DIAPH3: variants seen among roughly 807,000 people sequenced by gnomAD.
DIAPH3 encodes the protein diaphanous related formin 3.
A neutral mutation model predicts 144.3 loss-of-function variants in DIAPH3; 117 were observed. The ratio of observed to expected loss-of-function variants is 0.81; its 90% CI spans 0.70 to 0.95. DIAPH3 has a LOEUF of 0.95. DIAPH3 is among the 40% of genes least tolerant of loss of function. DIAPH3 has a pLI of 0.00. For synonymous variants in DIAPH3, 519 were observed against 488.9 expected, an observed-to-expected ratio of 1.06 and a Z score of -0.81; for missense variants, 1,421 against 1,412.7, an observed-to-expected ratio of 1.01 and a Z score of -0.09.
rs1224548065 is a variant in DIAPH3, at chr13:60,031,932, C to T, written c.626+10758G>A. ...CTAATTTTTGTATTTTTAGTAGAGG[C>T]GGGGTTTCACCACGTTGGCCAAGAT... is the stretch of plus-strand genomic sequence containing the variant. On this transcript the variant is annotated intron_variant, in intron 5 of 27. Transcript: ENST00000400324. Among the ~76,000 whole-genome samples the T allele has an allele frequency of 5.3e-5, 8 of 151,790 alleles. No individual in the cohort carries two copies. The South Asian group carries it at 1.0e-3, about 20-fold the overall frequency.
At chr13:59,982,057 A>G (rs957908859) in intron 13 of DIAPH3, among the ~76,000 whole-genome samples, 1 of 151,540 alleles carries the variant, frequency 6.6e-6, no homozygotes, top group Non-Finnish European at 1.5e-5. Context: ...ATGCTTTCCA[A>G]TACCTTTTCT....
At chr13:59,935,509 A>C (rs2048220131) in intron 17 of DIAPH3, among the ~76,000 whole-genome samples, 1 of 152,230 alleles carries the variant, frequency 6.6e-6, no homozygotes, top group African/African-American at 2.4e-5. Flanking sequence ...ATATGGTTTC[A>C]AAGAAGGTTT....
intron 25 of DIAPH3, among the ~76,000 whole-genome samples, chr13:59,788,417 T>G (rs1200636951): frequency 2.0e-5 from 3 of 152,162 alleles, no homozygotes; most frequent in Non-Finnish European, 4.4e-5. Flanking sequence ...GCCAGGAGTT[T>G]CAGACTAGCC....
chr13:60,138,702 CATG>C (rs1305945624), intron 1 of DIAPH3, among the ~76,000 whole-genome samples: 1 of 148,834 alleles, frequency 6.7e-6, no homozygotes, highest in Non-Finnish European at 1.5e-5. Context: ...CAGACTATGA[CATG>C]ATACCATTTG....
At chr13:60,014,385 C>T (rs927036595) in intron 7 of DIAPH3, among the ~76,000 whole-genome samples, 14 of 151,974 alleles carry the variant, frequency 9.2e-5, no homozygotes, top group Admixed American at 6.5e-4. Context: ...TTCAAAGAAC[C>T]GTGAATTCAG....
chr13:59,734,125 T>C (rs1048263206), intron 27 of DIAPH3, among the ~76,000 whole-genome samples: 14 of 152,252 alleles, frequency 9.2e-5, no homozygotes, highest in African/African-American at 3.4e-4. Context: ...TATTTATTTA[T>C]ATTCTTCAAA....
chr13:60,156,908 C>A (rs1952044606), intron 1 of DIAPH3, among the ~76,000 whole-genome samples: 3 of 108,112 alleles, frequency 2.8e-5, no homozygotes, highest in South Asian at 5.8e-4. Flanking sequence ...GCCCAGAGAC[C>A]CAGATCCTTC....
intron 25 of DIAPH3, among the ~76,000 whole-genome samples, chr13:59,783,971 C>A (rs981036932): frequency 2.6e-5 from 4 of 152,148 alleles, no homozygotes; most frequent in Non-Finnish European, 5.9e-5. Context: ...TATTATCAAC[C>A]TGTGACCATT....
chr13:59,791,019 G>T (rs1234751175), intron 25 of DIAPH3, among the ~76,000 whole-genome samples: 2 of 152,090 alleles, frequency 1.3e-5, no homozygotes, highest in Admixed American at 6.5e-5. Context: ...GCCCTAGGCT[G>T]GAGAGTGCAG....
At chr13:60,143,435 T>C (rs182182536) in intron 1 of DIAPH3, among the ~76,000 whole-genome samples, 1 of 152,316 alleles carries the variant, frequency 6.6e-6, no homozygotes, top group East Asian at 1.9e-4. Context: ...CAAACAAGCA[T>C]CTTCCCCATA....
chr13:59,748,810 A>C (rs1445547989), intron 27 of DIAPH3, among the ~76,000 whole-genome samples: 1 of 152,192 alleles, frequency 6.6e-6, no homozygotes, highest in East Asian at 1.9e-4. Flanking sequence ...GGGGGCCAGA[A>C]GCCACGGTTG....
intron 23 of DIAPH3, among the ~76,000 whole-genome samples, chr13:59,835,323 A>G (rs1441050464): frequency 6.6e-6 from 1 of 151,742 alleles, no homozygotes; most frequent in Non-Finnish European, 1.5e-5. Flanking sequence ...CAGATAATAA[A>G]CAAATGAATC....
chr13:60,114,907 G>T (rs1018723510), intron 2 of DIAPH3, among the ~76,000 whole-genome samples: 1 of 152,100 alleles, frequency 6.6e-6, no homozygotes, highest in African/African-American at 2.4e-5. Flanking sequence ...ACAACACAGG[G>T]ATTAGGGCAG....
At chr13:60,107,128 T>C (rs189292197) in intron 3 of DIAPH3, among the ~76,000 whole-genome samples, 1 of 152,268 alleles carries the variant, frequency 6.6e-6, no homozygotes, top group Middle Eastern at 3.4e-3. Context: ...TGTGGTCATA[T>C]AGAAGGAAGT....
chr13:60,054,933 C>T (rs2056498874), intron 4 of DIAPH3, among the ~76,000 whole-genome samples: 2 of 151,810 alleles, frequency 1.3e-5, no homozygotes, highest in African/African-American at 2.4e-5. Flanking sequence ...TTTATGCAAA[C>T]ACATAGTAGA....
chr13:60,010,896 G>A lies in DIAPH3; in HGVS notation c.772-227C>T, dbSNP rs185761463. On this transcript the variant is annotated intron_variant, in intron 7 of 27. Coordinates refer to ENST00000400324, the MANE Select transcript of DIAPH3 (RefSeq NM_001042517.2). ...AGAGGCGGGCAGATTACCTGAGGTC[G>A]GGAGTTTGAGACCAGCCTGAGCAAC... Among the ~76,000 whole-genome samples, 143 of 151,904 alleles carry A rather than the reference G, an allele frequency of 9.4e-4. 2 individuals are homozygous for A. Among genetic ancestry groups the A allele is most frequent in the African/African-American group, 3.3e-3 (137 of 41,456 alleles).
intron 4 of DIAPH3, among the ~76,000 whole-genome samples, chr13:60,051,750 G>A (rs1168811492): frequency 1.3e-5 from 2 of 152,178 alleles, no homozygotes. Context: ...CAGAGTTTAA[G>A]GGAACAGATT....
intron 25 of DIAPH3, among the ~76,000 whole-genome samples, chr13:59,775,308 T>C (rs1398167935): frequency 6.6e-6 from 1 of 152,136 alleles, no homozygotes; most frequent in African/African-American, 2.4e-5. Context: ...AGTGGTGAGA[T>C]CTCTACTCAC....
chr13:59,814,457 C>T (rs916058722), intron 24 of DIAPH3, among the ~76,000 whole-genome samples: 2 of 152,050 alleles, frequency 1.3e-5, no homozygotes. Flanking sequence ...CAATAGAGAG[C>T]ACAGAAATAG....
Sources: allele counts gnomAD v4.1 joint callset (sites outside exome capture counted in the v4.1 genomes callset), GRCh38; gene constraint gnomAD v4.1.1; transcripts MANE v1.5; gene names NCBI Gene and HGNC (gene_info 2026-07-23, HGNC 2026-07-21).